Variants in NBEAL1 observed in about 807,000 individuals in gnomAD.
The protein encoded by NBEAL1 is neurobeachin-like protein 1.
In NBEAL1, 273 loss-of-function variants were observed where a neutral mutation model predicts 351.3. The observed-to-expected ratio is 0.78, with a 90% CI of 0.70 to 0.86. The LOEUF (loss-of-function observed/expected upper bound fraction) is 0.86, where lower values mean the gene tolerates loss of function less well. Ranked by LOEUF, NBEAL1 falls within the 40% of genes least tolerant of loss-of-function variation. The pLI, the probability that NBEAL1 is intolerant of heterozygous loss-of-function variation, is 0.00. For missense variants in NBEAL1, 2,961 were observed against 3,201.3 expected, an observed-to-expected ratio of 0.92 and a Z score of 1.81; for synonymous variants, 1,050 against 1,086.4, an observed-to-expected ratio of 0.97 and a Z score of 0.66.
chr2:203,059,895 C>T (rs184060742), intron 6 of NBEAL1, among the ~76,000 whole-genome samples: 2 of 152,246 alleles, frequency 1.3e-5, no homozygotes, highest in East Asian at 3.9e-4. Context: ...TCATCTGTAG[C>T]CTTTATACTC....
chr2:203,213,465 G>T (rs576071294), intron 54 of NBEAL1, 53 bp from the exon 55 acceptor site: 1 of 1,463,682 alleles, frequency 6.8e-7, no homozygotes, highest in South Asian at 1.2e-5. Flanking sequence ...AAAATTCTGT[G>T]AATTCATTAT....
chr2:203,172,925 C>A, intron 41 of NBEAL1, 72 bp downstream of exon 41: 1 of 1,402,870 alleles, frequency 7.1e-7, no homozygotes, highest in Non-Finnish European at 9.5e-7. Flanking sequence ...TTACTATGGC[C>A]AACCAAAAAA....
In NBEAL1 at chr2:203,111,969, A is replaced by T. The variant is rs1295464323; in HGVS notation, c.2083-10A>T. 1.3e-6 allele frequency: 2 copies of T among 1,544,498 alleles called. No individual in the cohort carries two copies. The highest frequency in any genetic ancestry group is 4.1e-5 in the Admixed American group (2 of 48,490). On this transcript the variant is annotated splice_polypyrimidine_tract_variant and intron_variant, in intron 15 of 55. Coordinates refer to ENST00000683969, the MANE Select transcript of NBEAL1 (RefSeq NM_001378026.1). ...ATTTTATCCTTTAAATGTGTGTTTC[A>T]CTTTACCAGCACAACATAACTGTTG...
chr2:203,154,743 T>G (rs2063752428), intron 35 of NBEAL1, among the ~76,000 whole-genome samples: 1 of 151,924 alleles, frequency 6.6e-6, no homozygotes. Flanking sequence ...TAAAAATATT[T>G]GGTTTGTAGT....
At chr2:203,207,082 G>T (rs1215692296) in intron 51 of NBEAL1, among the ~76,000 whole-genome samples, 2 of 149,478 alleles carry the variant, frequency 1.3e-5, no homozygotes, top group African/African-American at 4.9e-5. Flanking sequence ...CCCCGTCCGG[G>T]ATGTGAGGAG....
chr2:203,033,691 G>T (rs1366995291), intron 2 of NBEAL1, among the ~76,000 whole-genome samples: 2 of 152,100 alleles, frequency 1.3e-5, no homozygotes, highest in African/African-American at 4.8e-5. Context: ...TTTTCCAATT[G>T]TATCTATTAT....
intron 6 of NBEAL1, among the ~76,000 whole-genome samples, chr2:203,065,813 C>G (rs2061574823): frequency 1.3e-5 from 2 of 151,956 alleles, no homozygotes; most frequent in Non-Finnish European, 2.9e-5. Flanking sequence ...AACTGAGATG[C>G]AAATAAGCGT....
intron 33 of NBEAL1, among the ~76,000 whole-genome samples, chr2:203,148,148 CA>C (rs141843014): frequency 0.035 from 5,334 of 152,070 alleles, 298 homozygotes; most frequent in African/African-American, 0.12. Flanking sequence ...ACGACAACCA[CA>C]AGTTATTGAG....
chr2:203,071,094 T>A (rs2061674796), intron 7 of NBEAL1, among the ~76,000 whole-genome samples: 1 of 152,234 alleles, frequency 6.6e-6, no homozygotes, highest in Non-Finnish European at 1.5e-5. Flanking sequence ...TGTTTAAAAA[T>A]TTTGTGTCTC....
intron 26 of NBEAL1, 54 bp downstream of exon 26, chr2:203,132,186 GT>G: frequency 8.5e-7 from 1 of 1,180,510 alleles, no homozygotes; most frequent in South Asian, 1.7e-5. Flanking sequence ...TTTCCTGTAA[GT>G]TTTTTTCATA....
Position 203,199,335 on chromosome 2 carries a change from C to T in NBEAL1, c.7129-3C>T. On this transcript the variant is annotated splice_polypyrimidine_tract_variant and splice_region_variant and intron_variant, in intron 48 of 55. Coordinates refer to ENST00000683969, the MANE Select transcript of NBEAL1 (RefSeq NM_001378026.1). ...ATTTGAGTCTTCATATGTTCTTTTC[C>T]AGATAACAATAAGCATGAATTATGT... The T allele has an allele frequency of 1.3e-6, 2 of 1,527,616 alleles. No individual in the cohort carries two copies. The highest frequency in any genetic ancestry group is 2.3e-5 in the South Asian group (2 of 86,294). 94.6% of individuals were successfully genotyped at this position (1,527,616 alleles called of 1,614,324 possible).
chr2:203,134,268 A>T (rs2063147077), intron 27 of NBEAL1, among the ~76,000 whole-genome samples: 1 of 152,158 alleles, frequency 6.6e-6, no homozygotes, highest in South Asian at 2.1e-4. Flanking sequence ...GCTTGGTTTT[A>T]TCTATTATTT....
chr2:203,047,162 G>T (rs1270498274), intron 3 of NBEAL1, among the ~76,000 whole-genome samples: 1 of 151,924 alleles, frequency 6.6e-6, no homozygotes, highest in African/African-American at 2.4e-5. Flanking sequence ...GCTTGAATGC[G>T]GGAGGCCAAG....
In NBEAL1 at chr2:203,136,004, G is replaced by A; in HGVS notation, c.4141G>A (p.Glu1381Lys). Residue 1381 changes from glutamate to lysine, a missense_variant, in exon 28 of 56, where the codon GAA becomes AAA. By Grantham distance (56) the Glu-to-Lys change is moderately conservative (BLOSUM62 1). Transcript: ENST00000683969. ...ATTTCCAGAAGATAGCTCTGTGGGA[G>A]AATTGTCTTTCAAATCAGAGAATCA... is the stretch of plus-strand genomic sequence containing the variant. ...PLFPEDSSVGELSFKSENQEE... is the reference protein window; with the variant it reads ...PLFPEDSSVGKLSFKSENQEE... The A allele has an allele frequency of 1.2e-6, 2 of 1,613,670 alleles. No homozygotes were observed. The highest frequency in any genetic ancestry group is 1.7e-6 in the Non-Finnish European group (2 of 1,179,746).
At chr2:203,166,091 C>T (rs2064121101) in intron 36 of NBEAL1, 58 bp from the exon 37 acceptor site, 1 of 1,415,604 alleles carries the variant, frequency 7.1e-7, no homozygotes, top group Non-Finnish European at 9.4e-7. Context: ...GCATTCTTTT[C>T]TATTTAAGAA....
At chr2:203,122,746 C>T (rs1210780112) in intron 19 of NBEAL1, among the ~76,000 whole-genome samples, 1 of 152,170 alleles carries the variant, frequency 6.6e-6, no homozygotes, top group African/African-American at 2.4e-5. Flanking sequence ...CATCTAGAGG[C>T]TTCTACTTAC....
At chr2:203,151,861 G>A (rs919949802) in intron 35 of NBEAL1, among the ~76,000 whole-genome samples, 1 of 152,040 alleles carries the variant, frequency 6.6e-6, no homozygotes, top group African/African-American at 2.4e-5. Flanking sequence ...TATGTCTCTT[G>A]CAATGAAACA....
At chr2:203,203,828 T>A (rs1309460769) in intron 51 of NBEAL1, among the ~76,000 whole-genome samples, 1 of 152,188 alleles carries the variant, frequency 6.6e-6, no homozygotes, top group Non-Finnish European at 1.5e-5. Flanking sequence ...GCATTACACT[T>A]AAAGTGTAAT....
chr2:203,099,838 C>T, intron 12 of NBEAL1, 126 bp downstream of exon 12: 1 of 620,754 alleles, frequency 1.6e-6, no homozygotes, highest in Non-Finnish European at 2.7e-6. Flanking sequence ...GATTATTTTG[C>T]CACCCAGGTA....
Sources: gnomAD v4.1 joint callset for allele counts (sites outside exome capture counted in the v4.1 genomes callset) on GRCh38, gnomAD v4.1.1 for gene constraint, MANE v1.5 for transcripts, NCBI Gene and HGNC (gene_info 2026-07-23, HGNC 2026-07-21) for gene names.